The following VPS13C variants were observed in gnomAD, a reference collection of about 807,000 sequenced individuals.
VPS13C encodes vacuolar protein sorting 13 homolog C, also known as intermembrane lipid transfer protein VPS13C.
VPS13C carries 358 observed loss-of-function variants against 456.8 expected under a neutral mutation model. That is an observed-to-expected ratio of 0.78 (90% CI 0.72 to 0.86). VPS13C has a LOEUF of 0.86. Among genes scored for constraint, VPS13C ranks in the 40% least tolerant of loss-of-function variants. The pLI, the probability that VPS13C is intolerant of heterozygous loss-of-function variation, is 0.00. For missense variants in VPS13C, 4,818 were observed against 4,385.4 expected (o/e 1.10, Z -2.79); for synonymous variants, 1,578 against 1,486.7 (o/e 1.06, Z -1.41).
Position 61,983,974 on chromosome 15 carries a change from A to T in VPS13C, c.1760T>A (p.Leu587Ter). ...AKLEHWYITG[L>*]RQQDIVPSLV... ...TGATGGCACAATATCCTGCTGTCTC[A>T]AACCTGTTATATACCAGTGTTCTAA... is the stretch of plus-strand genomic sequence containing the variant. Residue 587 changes from leucine (L) to a stop codon, truncating the protein, a stop_gained, in exon 20 of 85, where the codon TTG becomes TAG. Coordinates refer to ENST00000644861, the MANE Select transcript of VPS13C (RefSeq NM_020821.3). LOFTEE classifies it high-confidence loss of function. 6.2e-7 allele frequency: 1 copy of T among 1,614,106 alleles called. No homozygotes were observed. The highest frequency in any genetic ancestry group is 8.5e-7 in the Non-Finnish European group (1 of 1,179,998).
At chr15:62,039,880 T>A (rs1221085713) in intron 3 of VPS13C, among the ~76,000 whole-genome samples, 1 of 152,068 alleles carries the variant, frequency 6.6e-6, no homozygotes, top group African/African-American at 2.4e-5. Context: ...AGAAAGGAAA[T>A]CAGTATATTG....
At chr15:61,920,455 T>C (rs2043617552) in intron 56 of VPS13C, 43 bp downstream of exon 56, 18 of 1,494,426 alleles carry the variant, frequency 1.2e-5, no homozygotes, top group Non-Finnish European at 1.5e-5. Flanking sequence ...ATGTTTCATT[T>C]TAAAATTCCA....
rs191285737 is a variant in VPS13C at position 61,863,499 on chromosome 15, A to G, written c.10893T>C (p.Thr3631=). The G allele has an allele frequency of 1.2e-6, 2 of 1,612,984 alleles. No homozygotes were observed. The highest frequency in any genetic ancestry group is 2.2e-5 in the East Asian group (1 of 44,780). Residue 3631 remains threonine, a synonymous_variant, in exon 82 of 85, where the codon ACT becomes ACC. Transcript: ENST00000644861. ...ENHIKKLEGE[T]YRYHCAIPGS... ...CAGGAATAGCACAGTGGTATCGGTA[A>G]GTCTCTCCTTCCAACTTTTTGATAT... is the stretch of plus-strand genomic sequence containing the variant.
In VPS13C at chr15:62,008,659, G is replaced by A. The variant is rs767007361; in HGVS notation, c.1114C>T (p.Arg372Ter). The A allele has an allele frequency of 6.9e-6, 11 of 1,594,388 alleles. No individual in the cohort carries two copies. In the Admixed American group the frequency reaches 6.9e-5, roughly 10 times the overall value. The part of the protein sequence containing the change: ...PYLPLHTNGR[R>*]WWKYAIDSVL... ...AAAAAACAAATTCTAACTTACCATC[G>A]TCGACCATTGGTATGAAGTGGTAAA... The change falls in exon 14 of 85, where the codon CGA becomes TGA. Residue 372 changes from arginine to a stop codon, truncating the protein, a stop_gained. Coordinates refer to ENST00000644861, the MANE Select transcript of VPS13C (RefSeq NM_020821.3). LOFTEE classifies it high-confidence loss of function.
intron 67 of VPS13C, among the ~76,000 whole-genome samples, chr15:61,884,696 AC>A (rs1195955778): frequency 6.6e-6 from 1 of 151,618 alleles, no homozygotes; most frequent in Non-Finnish European, 1.5e-5. Context: ...GAAAAAAAAA[AC>A]TTCTTTTGTG....
In VPS13C at chr15:61,961,905, A is replaced by G. The variant is rs1386400889; in HGVS notation, c.3604-12T>C. The G allele has an allele frequency of 6.3e-7, 1 of 1,593,968 alleles. No individual in the cohort carries two copies. The highest frequency in any genetic ancestry group is 1.8e-5 in the Admixed American group (1 of 56,074). On this transcript the variant is annotated splice_polypyrimidine_tract_variant and intron_variant, in intron 34 of 84. Transcript: ENST00000644861. The stretch of plus-strand genomic sequence containing the variant: ...TTATTCAGGAAGTTCTGTGGACACA[A>G]AGCATAAAAAGAGAAATTCAAAGAG...
At chr15:61,864,686 G>T in intron 81 of VPS13C, 1 of 985,434 alleles carries the variant, frequency 1.0e-6, no homozygotes, top group Non-Finnish European at 1.2e-6. Flanking sequence ...TAAGGAAGAG[G>T]AATCCACAAA....
In VPS13C at chr15:61,949,587, C is replaced by T; in HGVS notation, c.4615G>A (p.Asp1539Asn). 1 of 1,597,646 alleles carries T rather than the reference C, an allele frequency of 6.3e-7. No homozygotes were observed. The highest frequency in any genetic ancestry group is 8.5e-7 in the Non-Finnish European group (1 of 1,176,232). ...AAAGCTTCCAAATGAAGTACTAAGT[C>T]TAAGGATGCAAATGAAACCTAAGAT... The part of the protein sequence containing the change: ...QRLKVSFASL[D>N]LVLHLEALLS... Residue 1539 changes from aspartate (D) to asparagine (N), a missense_variant, in exon 42 of 85, where the codon GAC becomes AAC. Coordinates refer to ENST00000644861, the MANE Select transcript of VPS13C (RefSeq NM_020821.3).
At chr15:61,864,619 A>AT (rs1387151859) in intron 81 of VPS13C, 6 of 984,914 alleles carry the variant, frequency 6.1e-6, no homozygotes, top group Non-Finnish European at 7.2e-6. Flanking sequence ...TTAAATATAC[A>AT]TTTTTTAAAG....
Position 61,856,417 on chromosome 15 carries a change from GCAAAAGAAAA to G in VPS13C, c.10953-18_10953-9del. 6.2e-7 allele frequency: 1 copy of G among 1,608,316 alleles called. No homozygotes were observed. Among genetic ancestry groups the G allele is most frequent in the East Asian group, 2.2e-5 (1 of 44,514 alleles). On this transcript the variant is annotated splice_polypyrimidine_tract_variant and intron_variant, in intron 82 of 84. Coordinates refer to ENST00000644861, the MANE Select transcript of VPS13C (RefSeq NM_020821.3). ...TTTATACACAACACTCGCCTATTTTGCAAAAGAAAACAAAAACTTACAGTAAATGATGAAG... is the reference window on the plus strand; with the variant it reads ...TTTATACACAACACTCGCCTATTTTGCAAAAACTTACAGTAAATGATGAAG...
At chr15:61,894,822 G>C (rs187989696) in intron 66 of VPS13C, among the ~76,000 whole-genome samples, 42 of 152,224 alleles carry the variant, frequency 2.8e-4, no homozygotes, top group African/African-American at 9.4e-4. Flanking sequence ...CAGTAATAGA[G>C]AGATCATCCA....
chr15:61,869,219 G>A (rs780036981), intron 80 of VPS13C, among the ~76,000 whole-genome samples: 4 of 149,848 alleles, frequency 2.7e-5, no homozygotes, highest in East Asian at 4.0e-4. Context: ...CTAGGTTCAC[G>A]CGGTTCTCAT....
rs766407647 is a variant in VPS13C at position 61,991,056 on chromosome 15, G to A, written c.1522C>T (p.Leu508Phe). The change falls in exon 18 of 85, where the codon CTC becomes TTC. Residue 508 changes from leucine to phenylalanine, a missense_variant. Transcript: ENST00000644861. ...TCACTATAACCAATGGCAGTGAAGAGTTTATCTTTTTCCTCTGGAGTCATA... is the reference window on the plus strand; with the variant it reads ...TCACTATAACCAATGGCAGTGAAGAATTTATCTTTTTCCTCTGGAGTCATA... Reference protein sequence around the residue: ...DLMTPEEKDKLFTAIGYSEST... With the variant: ...DLMTPEEKDKFFTAIGYSEST... 4.3e-6 allele frequency: 7 copies of A among 1,612,282 alleles called. No individual in the cohort carries two copies. In the Admixed American group the frequency reaches 1.2e-4, roughly 27 times the overall value.
At chr15:62,057,526 C>T (rs2048842039) in intron 1 of VPS13C, among the ~76,000 whole-genome samples, 1 of 152,096 alleles carries the variant, frequency 6.6e-6, no homozygotes. Context: ...TTTATAGCAA[C>T]CACAAAAATA....
chr15:62,039,070 C>T (rs1335462633), intron 3 of VPS13C, among the ~76,000 whole-genome samples: 1 of 151,980 alleles, frequency 6.6e-6, no homozygotes, highest in Non-Finnish European at 1.5e-5. Context: ...AAAATAAAAA[C>T]AGCAATCCCA....
At chr15:61,872,560 C>A (rs1895114711) in intron 78 of VPS13C, among the ~76,000 whole-genome samples, 2 of 152,054 alleles carry the variant, frequency 1.3e-5, no homozygotes, top group Non-Finnish European at 2.9e-5. Context: ...AAAAACACAG[C>A]AGTTTCCTGA....
intron 67 of VPS13C, 39 bp downstream of exon 67, chr15:61,890,126 T>G: frequency 1.3e-6 from 2 of 1,598,414 alleles, no homozygotes; most frequent in South Asian, 2.2e-5. Flanking sequence ...CTTAATGCCT[T>G]TTAAAGGTTT....
At chr15:61,919,945 TTA>T in intron 57 of VPS13C, 120 bp downstream of exon 57, 1 of 973,428 alleles carries the variant, frequency 1.0e-6, no homozygotes, top group Non-Finnish European at 1.4e-6. Context: ...AGGTTAGCAA[TTA>T]TATGTTTCAA....
Position 61,890,153 on chromosome 15 carries a change from C to T in VPS13C, c.9341+12G>A, listed in dbSNP as rs192236043. ...TAAAGGTTTAGGATGTCTTATTTTC[C>T]TTCTTGCATACCTGGTTATCCCAAT... On this transcript the variant is annotated intron_variant, in intron 67 of 84. Transcript: ENST00000644861. 1.3e-3 allele frequency: 2,124 copies of T among 1,612,560 alleles called. 5 individuals are homozygous for T. Among genetic ancestry groups the T allele is most frequent in the Non-Finnish European group, 1.7e-3 (1,953 of 1,178,948 alleles).
Sources: gnomAD v4.1 joint callset for allele counts (sites outside exome capture counted in the v4.1 genomes callset) on GRCh38, gnomAD v4.1.1 for gene constraint, MANE v1.5 for transcripts, NCBI Gene and HGNC (gene_info 2026-07-23, HGNC 2026-07-21) for gene names.